PRDM16: variants seen among roughly 807,000 people sequenced by gnomAD.
PRDM16 encodes the protein histone-lysine N-methyltransferase PRDM16.
PRDM16 carries 23 observed loss-of-function variants against 110.6 expected under a neutral mutation model. The observed-to-expected ratio is 0.21, with a 90% confidence interval of 0.15 to 0.29. The LOEUF (loss-of-function observed/expected upper bound fraction) is 0.29, where lower values mean the gene tolerates loss of function less well. Ranked by LOEUF, PRDM16 falls within the 10% of genes least tolerant of loss-of-function variation. The probability of loss-of-function intolerance (pLI) is 1.00; values close to 1 mark genes in which losing one functional copy is unlikely to be tolerated. For missense variants in PRDM16, 1,615 were observed against 1,794.3 expected (o/e 0.90, Z 1.81); for synonymous variants, 799 against 781.8 (o/e 1.02, Z -0.37).
At chr1:3,162,782 AAG>A (rs1643910704) in intron 1 of PRDM16, among the ~76,000 whole-genome samples, 3 of 152,190 alleles carry the variant, frequency 2.0e-5, no homozygotes, top group Admixed American at 6.5e-5. Flanking sequence ...GCGACCATCG[AAG>A]CCACACAGGC....
At chr1:3,173,101 C>T (rs1043892441) in intron 1 of PRDM16, among the ~76,000 whole-genome samples, 2 of 152,198 alleles carry the variant, frequency 1.3e-5, no homozygotes, top group East Asian at 1.9e-4. Flanking sequence ...GCTCTGCTGC[C>T]GCCCAGATGC....
chr1:3,404,541 G>C (rs1369475883), intron 6 of PRDM16, among the ~76,000 whole-genome samples, 198 bp from the exon 7 acceptor site: 1 of 152,228 alleles, frequency 6.6e-6, no homozygotes, highest in African/African-American at 2.4e-5. Flanking sequence ...CATCTGCTAG[G>C]GGAAGGCCGC....
intron 3 of PRDM16, among the ~76,000 whole-genome samples, chr1:3,377,881 T>C (rs1389981813): frequency 1.3e-5 from 2 of 152,190 alleles, no homozygotes; most frequent in Non-Finnish European, 2.9e-5. Context: ...TGTTCGTTCG[T>C]CTACCCACTT....
At chr1:3,398,975 G>A (rs1245162401) in intron 5 of PRDM16, among the ~76,000 whole-genome samples, 2 of 152,196 alleles carry the variant, frequency 1.3e-5, no homozygotes, top group Non-Finnish European at 2.9e-5. Flanking sequence ...TCCCGGGGCT[G>A]GACACATTCC....
At position 3,359,903 on chromosome 1, in the gene PRDM16, G is replaced by T. The variant is rs557502486; in HGVS notation, c.439-25249G>T. ...CAGGATCTCTTGGAAGACGGATGCC[G>T]TGTGCACGCAAAGACGGCAGCCAGC... On this transcript the variant is annotated intron_variant, in intron 3 of 16. Transcript: ENST00000270722. This position sits in a 1 kb window ranked among gnomAD's most constrained non-coding sequence, Gnocchi z 4.3. Among the ~76,000 whole-genome samples, 27 of 152,338 alleles carry T rather than the reference G, an allele frequency of 1.8e-4. No homozygotes were observed. Among genetic ancestry groups the T allele is most frequent in the African/African-American group, 6.5e-4 (27 of 41,584 alleles).
chr1:3,240,661 C>T (rs1639648561), intron 2 of PRDM16, among the ~76,000 whole-genome samples: 2 of 152,156 alleles, frequency 1.3e-5, no homozygotes, highest in South Asian at 2.1e-4. Flanking sequence ...ATAATTTTGA[C>T]GGGAGAGAAA....
rs752959743 is a variant in PRDM16, at chr1:3,143,201, C to T, written c.38-42924C>T. ...CGCTGGTTTGCAGCCCCTCGGGGGCCGAGTGTTCCGGGCTCTGATTTTTGC... is the reference window on the plus strand; with the variant it reads ...CGCTGGTTTGCAGCCCCTCGGGGGCTGAGTGTTCCGGGCTCTGATTTTTGC... On this transcript the variant is annotated intron_variant, in intron 1 of 16. Transcript: ENST00000270722. This position sits in a 1 kb window ranked among gnomAD's most constrained non-coding sequence, Gnocchi z 4.5. 7.2e-5 allele frequency among the ~76,000 whole-genome samples: 11 copies of T among 152,098 alleles called. No individual in the cohort carries two copies. Among genetic ancestry groups the T allele is most frequent in the Admixed American group, 5.9e-4 (9 of 15,282 alleles).
At chr1:3,322,947 A>G (rs1482886164) in intron 3 of PRDM16, among the ~76,000 whole-genome samples, 1 of 151,992 alleles carries the variant, frequency 6.6e-6, no homozygotes, top group Non-Finnish European at 1.5e-5. Flanking sequence ...TCTTCTAATC[A>G]CGCTCTGGTC....
Position 3,385,201 on chromosome 1 carries a change from C to T in PRDM16, c.488C>T (p.Ala163Val), listed in dbSNP as rs201182055. 125 of 1,613,570 alleles carry T rather than the reference C, an allele frequency of 7.7e-5. No homozygotes were observed. In the East Asian group the frequency reaches 2.2e-3, roughly 28 times the overall value. The change falls in exon 4 of 17, where the codon GCG becomes GTG. Residue 163 changes from alanine (A) to valine (V), a missense_variant. Physicochemically the swap from Ala to Val is moderately conservative, Grantham distance 64. Transcript: ENST00000270722. The stretch of plus-strand genomic sequence containing the variant: ...AAGTTCTGCGTGGATGCAAATCAGG[C>T]GGGGGCTGGCAGCTGGCTCAAGTAC... ...SEKFCVDANQAGAGSWLKYIR... is the reference protein window; with the variant it reads ...SEKFCVDANQVGAGSWLKYIR...
intron 2 of PRDM16, among the ~76,000 whole-genome samples, chr1:3,229,955 G>A (rs1050840769): frequency 2.0e-5 from 3 of 152,206 alleles, no homozygotes; most frequent in African/African-American, 7.2e-5. Flanking sequence ...CTGCAGCTCC[G>A]TGCAGGTGTC....
chr1:3,392,412 T>C (rs897072119), intron 4 of PRDM16, among the ~76,000 whole-genome samples: 2 of 152,214 alleles, frequency 1.3e-5, no homozygotes, highest in African/African-American at 4.8e-5. Context: ...AAAAAATTCA[T>C]TTATTCCAGG....
chr1:3,417,571 A>T (rs531606673), intron 10 of PRDM16, among the ~76,000 whole-genome samples: 3 of 152,296 alleles, frequency 2.0e-5, no homozygotes, highest in African/African-American at 7.2e-5. Flanking sequence ...GTTGCTAAAG[A>T]TCAGTTTCAG....
chr1:3,406,027 C>T (rs1643556165), intron 8 of PRDM16, among the ~76,000 whole-genome samples: 1 of 152,228 alleles, frequency 6.6e-6, no homozygotes, highest in African/African-American at 2.4e-5. Flanking sequence ...TCCAGAAGGG[C>T]GTGCTTCTGT....
intron 8 of PRDM16, 55 bp from the exon 9 acceptor site, chr1:3,411,329 C>T: frequency 6.5e-7 from 1 of 1,543,162 alleles, no homozygotes; most frequent in South Asian, 1.2e-5. Context: ...GCGTTTTCAG[C>T]AGGGTTTCCC....
intron 1 of PRDM16, among the ~76,000 whole-genome samples, chr1:3,180,994 ACGATCTTACACG>A (rs1182740873): frequency 1.8e-4 from 25 of 136,818 alleles, no homozygotes; most frequent in Admixed American, 7.3e-5. Flanking sequence ...AGTCTTACAC[ACGATCTTACACG>A]CGGTCTTACA....
At chr1:3,361,273 A>C (rs1338737423) in intron 3 of PRDM16, among the ~76,000 whole-genome samples, 1 of 151,996 alleles carries the variant, frequency 6.6e-6, no homozygotes, top group Non-Finnish European at 1.5e-5. Flanking sequence ...CTTCAGCTGC[A>C]CGCCAGCCCC....
chr1:3,321,926 CAT>C (rs373292707), intron 3 of PRDM16, among the ~76,000 whole-genome samples: 149 of 150,926 alleles, frequency 9.9e-4, no homozygotes, highest in African/African-American at 3.2e-3. Flanking sequence ...AAAGGGCACA[CAT>C]ATGCGTGTAT....
chr1:3,312,699 C>A (rs1040168839), intron 3 of PRDM16, among the ~76,000 whole-genome samples: 10 of 152,262 alleles, frequency 6.6e-5, no homozygotes, highest in African/African-American at 2.4e-4. Flanking sequence ...TTGAAACTTA[C>A]ACAAATACTC....
rs145446629 is a variant in PRDM16, at chr1:3,310,991, G to A, written c.438+66854G>A. Among the ~76,000 whole-genome samples the A allele has an allele frequency of 2.1e-4, 32 of 152,132 alleles. 1 individual carries two copies. The East Asian group carries it at 2.9e-3, about 14-fold the overall frequency. On this transcript the variant is annotated intron_variant, in intron 3 of 16. Coordinates refer to ENST00000270722, the MANE Select transcript of PRDM16 (RefSeq NM_022114.4). Reference sequence around the variant, plus strand: ...TGTAGGCATGTGTGTGCGTGTGTGCGTGCGTATGTGTGTGTGTGTGTGAGC... The same window carrying A: ...TGTAGGCATGTGTGTGCGTGTGTGCATGCGTATGTGTGTGTGTGTGTGAGC...
Sources: allele counts gnomAD v4.1 joint callset (sites outside exome capture counted in the v4.1 genomes callset), GRCh38; gene constraint gnomAD v4.1.1; non-coding constraint Gnocchi (gnomAD v3.1); transcripts MANE v1.5; gene names NCBI Gene and HGNC (gene_info 2026-07-23, HGNC 2026-07-21).